Variants in TTC3 observed in about 807,000 individuals in gnomAD.
TTC3 encodes E3 ubiquitin-protein ligase TTC3.
A neutral mutation model predicts 249.6 loss-of-function variants in TTC3; 180 were observed. That is an observed-to-expected ratio of 0.72 (90% confidence interval 0.64 to 0.82). The LOEUF (loss-of-function observed/expected upper bound fraction) is 0.82. TTC3 is among the 40% of genes least tolerant of loss of function. The pLI is 0.00. For synonymous variants in TTC3, 717 were observed against 805.0 expected (o/e 0.89, Z 1.85); for missense variants, 2,061 against 2,398.4 (o/e 0.86, Z 2.94).
chr21:37,131,152 C>A (rs893368664), intron 16 of TTC3, among the ~76,000 whole-genome samples: 3 of 152,124 alleles, frequency 2.0e-5, no homozygotes, highest in African/African-American at 7.2e-5. Context: ...TCATGAGCCC[C>A]TTTCCATGTA....
At chr21:37,113,774 C>T (rs1198848212) in intron 11 of TTC3, among the ~76,000 whole-genome samples, 2 of 152,174 alleles carry the variant, frequency 1.3e-5, no homozygotes, top group Non-Finnish European at 2.9e-5. Context: ...TCATGCTTAC[C>T]TGACTTCAAA....
At chr21:37,077,676 T>C (rs1418319821) in intron 1 of TTC3, among the ~76,000 whole-genome samples, 3 of 152,240 alleles carry the variant, frequency 2.0e-5, no homozygotes, top group Non-Finnish European at 2.9e-5. Flanking sequence ...TTGCATTTTT[T>C]GTTATTAATG....
intron 21 of TTC3, among the ~76,000 whole-genome samples, chr21:37,144,865 C>T (rs1056352828): frequency 6.6e-6 from 1 of 152,156 alleles, no homozygotes; most frequent in African/African-American, 2.4e-5. Context: ...TATAGCAGCC[C>T]CGTGCAGGGG....
At chr21:37,170,675 A>T (rs1246336742) in intron 34 of TTC3, among the ~76,000 whole-genome samples, 1 of 152,212 alleles carries the variant, frequency 6.6e-6, no homozygotes, top group Admixed American at 6.5e-5. Context: ...GACAAGATCA[A>T]TGTCTAGTTA....
intron 35 of TTC3, among the ~76,000 whole-genome samples, chr21:37,175,578 C>G (rs1301651310): frequency 9.8e-6 from 1 of 102,326 alleles, no homozygotes; most frequent in Non-Finnish European, 1.8e-5. Context: ...GTCTGGGCGA[C>G]AAGAGCTAGA....
In TTC3 at chr21:37,187,038, A is replaced by G. The variant is rs934772598; in HGVS notation, c.4827-11A>G. 2 of 1,514,360 alleles carry G rather than the reference A, an allele frequency of 1.3e-6. No homozygotes were observed. Among genetic ancestry groups the G allele is most frequent in the African/African-American group, 2.9e-5 (2 of 69,884 alleles). The allele number at this position is 1,514,360 out of a possible 1,614,324, so 93.8% of individuals were successfully genotyped here. A position where few individuals can be genotyped will look rare whatever the true frequency, so the allele number is the denominator to read the frequency against. ...TTCAAGAAAGTTTTTTTTTTCCTTCAATATTTGTAGCAACACACTTACAAA... is the reference window on the plus strand; with the variant it reads ...TTCAAGAAAGTTTTTTTTTTCCTTCGATATTTGTAGCAACACACTTACAAA... On this transcript the variant is annotated splice_polypyrimidine_tract_variant and intron_variant, in intron 37 of 45. Coordinates refer to ENST00000355666, the Ensembl canonical transcript of TTC3.
At chr21:37,160,922 C>T in intron 30 of TTC3, 64 bp downstream of exon 30, 1 of 1,467,866 alleles carries the variant, frequency 6.8e-7, no homozygotes, top group East Asian at 2.3e-5. Flanking sequence ...TGGACATATA[C>T]ATTAGAATTG....
At chr21:37,114,934 A>G (rs901837624) in intron 11 of TTC3, among the ~76,000 whole-genome samples, 8 of 152,066 alleles carry the variant, frequency 5.3e-5, no homozygotes, top group African/African-American at 9.7e-5. Flanking sequence ...TTGCAGGGAC[A>G]AAAAACCAAA....
intron 39 of TTC3, 172 bp downstream of exon 39, chr21:37,188,767 T>G: frequency 2.2e-6 from 1 of 451,260 alleles, no homozygotes; most frequent in Non-Finnish European, 3.9e-6. Context: ...TAAAAATCAT[T>G]CCTAATTCTA....
chr21:37,186,974 T>A (rs2083366702), intron 37 of TTC3, 75 bp from the exon 38 acceptor site: 4 of 876,376 alleles, frequency 4.6e-6, no homozygotes, highest in Non-Finnish European at 6.8e-6. Flanking sequence ...TCAAAGCTCA[T>A]CCAGCCTGAA....
intron 11 of TTC3, among the ~76,000 whole-genome samples, chr21:37,118,432 C>A (rs2147854139): frequency 6.6e-6 from 1 of 152,274 alleles, no homozygotes; most frequent in South Asian, 2.1e-4. Flanking sequence ...GAGAATTTTT[C>A]TTAGCCTCAA....
At chr21:37,144,364 A>G (rs1264797780) in intron 20 of TTC3, among the ~76,000 whole-genome samples, 161 bp from the exon 21 acceptor site, 1 of 152,120 alleles carries the variant, frequency 6.6e-6, no homozygotes, top group East Asian at 1.9e-4. Context: ...AGCAATAGTG[A>G]CTTTGTTTTT....
At chr21:37,087,583 C>T (rs1402370785) in intron 2 of TTC3, among the ~76,000 whole-genome samples, 182 bp downstream of exon 2, 2 of 151,928 alleles carry the variant, frequency 1.3e-5, no homozygotes, top group Non-Finnish European at 2.9e-5. Flanking sequence ...TTGTGGAGTG[C>T]CAGAGAATGA....
rs1053163709 is a variant in TTC3, at chr21:37,109,597, A to G, written c.900+1151A>G. 5.3e-5 allele frequency among the ~76,000 whole-genome samples: 8 copies of G among 152,372 alleles called. No homozygotes were observed. The East Asian group carries it at 9.6e-4, about 18-fold the overall frequency. On this transcript the variant is annotated intron_variant, in intron 11 of 45. Transcript: ENST00000355666. ...ACTGGGTGGAGCCCACCACAGCTCAAGGAGGCCTGCCTGCCTCTGTAGGCT... is the reference window on the plus strand; with the variant it reads ...ACTGGGTGGAGCCCACCACAGCTCAGGGAGGCCTGCCTGCCTCTGTAGGCT...
In TTC3 at chr21:37,150,860, C is replaced by G. The variant is rs556912860; in HGVS notation, c.2252C>G (p.Pro751Arg). 2.5e-6 allele frequency: 4 copies of G among 1,610,408 alleles called. No individual in the cohort carries two copies. In the African/African-American group the frequency reaches 5.3e-5, roughly 22 times the overall value. The change falls in exon 25 of 46, where the codon CCT becomes CGT. Residue 751 changes from proline to arginine, a missense_variant. Pro to Arg is a moderately radical substitution (Grantham distance 103). Coordinates refer to ENST00000355666, the Ensembl canonical transcript of TTC3. ...ATAAAAGAAAAGGTTCCTCCAAGAC[C>G]TATTCTGAAACAGAAATGTTCTAGG... is the stretch of plus-strand genomic sequence containing the variant.
chr21:37,124,099 T>G (rs1265611849), intron 13 of TTC3, among the ~76,000 whole-genome samples: 1 of 145,390 alleles, frequency 6.9e-6, no homozygotes, highest in Non-Finnish European at 1.5e-5. Context: ...AGAATACTTC[T>G]TTTTGAACTG....
At position 37,097,628 on chromosome 21, in the gene TTC3, C is replaced by T. The variant is rs576643229; in HGVS notation, c.845+985C>T. 3.3e-5 allele frequency among the ~76,000 whole-genome samples: 5 copies of T among 152,232 alleles called. No homozygotes were observed. The East Asian group carries it at 9.6e-4, about 29-fold the overall frequency. On this transcript the variant is annotated intron_variant, in intron 10 of 45. Transcript: ENST00000355666. ...CCAATTGGTCAGGTGAAACAGTTTT[C>T]CTAGTATTTAGTTTTGAAAGAAGTT... is the stretch of plus-strand genomic sequence containing the variant.
chr21:37,099,740 T>C (rs2074294597), intron 10 of TTC3, among the ~76,000 whole-genome samples: 2 of 152,158 alleles, frequency 1.3e-5, no homozygotes, highest in African/African-American at 4.8e-5. Flanking sequence ...TGGAGAGCAA[T>C]TTGACAAGGT....
chr21:37,142,139 G>C (rs920984566), intron 20 of TTC3, among the ~76,000 whole-genome samples: 13 of 152,088 alleles, frequency 8.5e-5, no homozygotes, highest in Non-Finnish European at 1.0e-4. Flanking sequence ...CCCACAGCCA[G>C]TATCATACTG....
Sources: gnomAD v4.1 joint callset for allele counts (sites outside exome capture counted in the v4.1 genomes callset) on GRCh38, gnomAD v4.1.1 for gene constraint, MANE v1.5 for transcripts, NCBI Gene and HGNC (gene_info 2026-07-23, HGNC 2026-07-21) for gene names.